DAG1: variants seen among roughly 807,000 people sequenced by gnomAD.
DAG1 encodes dystroglycan 1 (dystrophin-associated glycoprotein 1).
Under a neutral mutation model 46.1 loss-of-function variants are expected in DAG1, and 8 were observed. The ratio of observed to expected loss-of-function variants is 0.17; its 90% CI spans 0.10 to 0.31. DAG1 has a LOEUF of 0.31. Among genes scored for constraint, DAG1 ranks in the 10% least tolerant of loss-of-function variants. DAG1 has a pLI of 1.00. For synonymous variants in DAG1, 495 were observed against 481.8 expected, an observed-to-expected ratio of 1.03 and a Z score of -0.36; for missense variants, 1,003 against 1,189.9, an observed-to-expected ratio of 0.84 and a Z score of 2.31.
intron 1 of DAG1, among the ~76,000 whole-genome samples, chr3:49,508,245 A>G (rs2050661842): frequency 6.8e-6 from 1 of 146,966 alleles, no homozygotes; most frequent in Non-Finnish European, 1.5e-5. Flanking sequence ...CTTGTTGCCC[A>G]AGCTGGAATG....
chr3:49,472,673 G>C (rs890527131), intron 1 of DAG1, among the ~76,000 whole-genome samples: 2 of 152,128 alleles, frequency 1.3e-5, no homozygotes, highest in Non-Finnish European at 2.9e-5. Context: ...CGGGCGTGGT[G>C]GTGGGCACCT....
chr3:49,510,235 G>A, intron 1 of DAG1, 184 bp from the exon 2 acceptor site: 1 of 519,322 alleles, frequency 1.9e-6, no homozygotes, highest in East Asian at 2.9e-5. Context: ...ATATTTAATG[G>A]ATCAGCTACA....
intron 1 of DAG1, among the ~76,000 whole-genome samples, chr3:49,475,829 G>T (rs1420636457): frequency 6.6e-6 from 1 of 151,016 alleles, no homozygotes; most frequent in Non-Finnish European, 1.5e-5. Context: ...TCGGCCTCCC[G>T]AGTAGCTGGG....
Position 49,532,819 on chromosome 3 carries a change from A to C in DAG1, c.2308A>C (p.Ile770Leu). ...AGCCATCCTGCTCATTGCTGGCATCATTGCCATGATCTGCTACCGCAAGAA... is the reference window on the plus strand; with the variant it reads ...AGCCATCCTGCTCATTGCTGGCATCCTTGCCATGATCTGCTACCGCAAGAA... ...VAAILLIAGIIAMICYRKKRK... is the reference protein window; with the variant it reads ...VAAILLIAGILAMICYRKKRK... Residue 770 changes from isoleucine to leucine, a missense_variant, in exon 3 of 3, where the codon ATT becomes CTT. Coordinates refer to ENST00000308775, the MANE Select transcript of DAG1 (RefSeq NM_004393.6). The surrounding 1 kb of genome is among the most constrained non-coding windows in gnomAD (Gnocchi z 5.4). The C allele has an allele frequency of 6.2e-7, 1 of 1,614,082 alleles. No homozygotes were observed. The highest frequency in any genetic ancestry group is 8.5e-7 in the Non-Finnish European group (1 of 1,180,026).
chr3:49,528,610 A>T (rs1272952509), intron 2 of DAG1, among the ~76,000 whole-genome samples: 3 of 152,042 alleles, frequency 2.0e-5, no homozygotes, highest in African/African-American at 7.3e-5. Context: ...TATGGTTAAA[A>T]AATATTTTTA....
intron 2 of DAG1, among the ~76,000 whole-genome samples, chr3:49,512,847 G>T (rs980580433): frequency 4.0e-5 from 6 of 151,534 alleles, no homozygotes; most frequent in Admixed American, 2.0e-4. Context: ...TTTTAGATAG[G>T]GTCTTACTCT....
chr3:49,474,121 C>A (rs1028889338), intron 1 of DAG1, among the ~76,000 whole-genome samples: 3 of 152,076 alleles, frequency 2.0e-5, no homozygotes, highest in Non-Finnish European at 2.9e-5. Context: ...GTGGTATGAT[C>A]TCGGCTCACT....
At chr3:49,475,065 G>C (rs2049640978) in intron 1 of DAG1, among the ~76,000 whole-genome samples, 2 of 151,806 alleles carry the variant, frequency 1.3e-5, no homozygotes, top group South Asian at 4.2e-4. Flanking sequence ...GCCTGCCTCG[G>C]CCTCCCGAAG....
Position 49,531,853 on chromosome 3 carries a change from A to T in DAG1, c.1342A>T (p.Arg448Trp), listed in dbSNP as rs1489686130. 6.2e-7 allele frequency: 1 copy of T among 1,613,816 alleles called. No homozygotes were observed. The highest frequency in any genetic ancestry group is 8.5e-7 in the Non-Finnish European group (1 of 1,179,982). ...STDSTTTTTRRPTKKPRTPRP... is the reference protein window; with the variant it reads ...STDSTTTTTRWPTKKPRTPRP... ...TGACTCCACCACCACCACGACTCGC[A>T]GGCCAACCAAGAAACCACGGACACC... Residue 448 changes from arginine to tryptophan, a missense_variant, in exon 3 of 3, where the codon AGG (arginine) becomes TGG (tryptophan). This residue lies in a region of DAG1 where 755 missense variants were observed against 854.1 expected (regional missense o/e 0.88). Transcript: ENST00000308775. The surrounding 1 kb of genome is among the most constrained non-coding windows in gnomAD (Gnocchi z 7.0).
At chr3:49,491,006 C>A (rs1389393211) in intron 1 of DAG1, among the ~76,000 whole-genome samples, 2 of 148,524 alleles carry the variant, frequency 1.3e-5, no homozygotes, top group African/African-American at 2.5e-5. Flanking sequence ...CTGCCACAAT[C>A]TCCCTGAGTA....
chr3:49,480,038 C>T (rs951532361), intron 1 of DAG1, among the ~76,000 whole-genome samples: 5 of 148,964 alleles, frequency 3.4e-5, no homozygotes, highest in African/African-American at 9.9e-5. Context: ...CAACCTCTGC[C>T]TCCCGGGTTC....
At chr3:49,486,257 C>T (rs956625851) in intron 1 of DAG1, among the ~76,000 whole-genome samples, 2 of 151,668 alleles carry the variant, frequency 1.3e-5, no homozygotes, top group African/African-American at 2.4e-5. Flanking sequence ...CTTGCTCTGT[C>T]GCCCAGACTG....
intron 1 of DAG1, 89 bp from the exon 2 acceptor site, chr3:49,510,330 G>A: frequency 3.2e-6 from 2 of 615,926 alleles, no homozygotes; most frequent in Non-Finnish European, 2.9e-6. Context: ...ACTCGGGGTA[G>A]ATGTTTTTGA....
Position 49,486,819 on chromosome 3 carries a change from G to T in DAG1, c.-117+16386G>T, listed in dbSNP as rs952676378. 3.3e-5 allele frequency among the ~76,000 whole-genome samples: 5 copies of T among 152,180 alleles called. No homozygotes were observed. In the East Asian group the frequency reaches 7.7e-4, roughly 23 times the overall value. On this transcript the variant is annotated intron_variant, in intron 1 of 2. Coordinates refer to ENST00000308775, the MANE Select transcript of DAG1 (RefSeq NM_004393.6). The stretch of plus-strand genomic sequence containing the variant: ...CGCTCAGCCTGATATGAATATTCTT[G>T]ACGGTGTCTTCTGGGTATATACCTA...
chr3:49,501,892 C>T (rs577195241), intron 1 of DAG1, among the ~76,000 whole-genome samples: 6 of 151,724 alleles, frequency 4.0e-5, no homozygotes, highest in African/African-American at 1.4e-4. Flanking sequence ...GTAAAGAAAA[C>T]TGTAGGCCAA....
rs2107955831 is a variant in DAG1 at position 49,532,942 on chromosome 3, CCCT to C, written c.2437_2439del (p.Ser814del). On this transcript the variant is annotated inframe_deletion, in exon 3 of 3. Transcript: ENST00000308775. The surrounding 1 kb of genome is among the most constrained non-coding windows in gnomAD (Gnocchi z 5.4). Reference sequence around the variant, plus strand: ...CGAACTGGACGACTCCAAGCCCCCACCCTCCTCCAGCATGCCACTCATTCTGCA... The same window carrying C: ...CGAACTGGACGACTCCAAGCCCCCACCCTCCAGCATGCCACTCATTCTGCA... The C allele has an allele frequency of 6.2e-7, 1 of 1,614,132 alleles. No homozygotes were observed. The highest frequency in any genetic ancestry group is 8.5e-7 in the Non-Finnish European group (1 of 1,180,022).
At chr3:49,502,826 A>T (rs1266881157) in intron 1 of DAG1, among the ~76,000 whole-genome samples, 1 of 151,902 alleles carries the variant, frequency 6.6e-6, no homozygotes, top group Non-Finnish European at 1.5e-5. Context: ...TTTAGTACAG[A>T]CGGGGTTTCA....
Position 49,533,214 on chromosome 3 carries a change from G to A in DAG1, c.*15G>A, listed in dbSNP as rs780121651. ...TCCCACCTTAACCCGCAAGCGCCTGGGTGGAGGCAGGGTAGGGCAGGGGCC... is the reference window on the plus strand; with the variant it reads ...TCCCACCTTAACCCGCAAGCGCCTGAGTGGAGGCAGGGTAGGGCAGGGGCC... On this transcript the variant is annotated 3_prime_UTR_variant, in exon 3 of 3. Coordinates refer to ENST00000308775, the MANE Select transcript of DAG1 (RefSeq NM_004393.6). The A allele has an allele frequency of 1.2e-6, 2 of 1,609,530 alleles. No individual in the cohort carries two copies. Among genetic ancestry groups the A allele is most frequent in the Non-Finnish European group, 1.7e-6 (2 of 1,179,916 alleles).
At chr3:49,512,552 C>T (rs1005894112) in intron 2 of DAG1, among the ~76,000 whole-genome samples, 5 of 151,594 alleles carry the variant, frequency 3.3e-5, no homozygotes, top group Non-Finnish European at 4.4e-5. Flanking sequence ...CCACCATGCC[C>T]GGCTAATTTT....
Sources: gnomAD v4.1 joint callset for allele counts (sites outside exome capture counted in the v4.1 genomes callset) on GRCh38, gnomAD v4.1.1 for gene constraint, gnomAD v4.1.1 regional missense constraint, Gnocchi (gnomAD v3.1) non-coding constraint, MANE v1.5 for transcripts, NCBI Gene and HGNC (gene_info 2026-07-23, HGNC 2026-07-21) for gene names.